The following ROS1 variants were observed in gnomAD, a reference collection of about 807,000 sequenced individuals.
The protein encoded by ROS1 is ROS proto-oncogene 1, receptor tyrosine kinase, also known as proto-oncogene tyrosine-protein kinase ROS.
A neutral mutation model predicts 273.5 loss-of-function variants in ROS1; 263 were observed. The observed-to-expected ratio is 0.96, with a 90% CI of 0.87 to 1.06. The LOEUF (loss-of-function observed/expected upper bound fraction) is 1.06, where lower values mean the gene tolerates loss of function less well. Ranked by LOEUF, ROS1 falls within the 50% of genes least tolerant of loss-of-function variation. The pLI, the probability that ROS1 is intolerant of heterozygous loss-of-function variation, is 0.00. For synonymous variants in ROS1, 1,008 were observed against 954.1 expected, an observed-to-expected ratio of 1.06 and a Z score of -1.04; for missense variants, 2,833 against 2,751.1, an observed-to-expected ratio of 1.03 and a Z score of -0.67.
rs535392762 is a variant in ROS1 at position 117,393,565 on chromosome 6, A to T, written c.1192-244T>A. On this transcript the variant is annotated intron_variant, in intron 11 of 43. Coordinates refer to ENST00000368507, the MANE Select transcript of ROS1 (RefSeq NM_001378902.1). ...TTTTCCTGGCTTGTAGAGGCATTCA[A>T]CTATTTTTAACATTTAAGCGATATC... 3.3e-5 allele frequency among the ~76,000 whole-genome samples: 5 copies of T among 152,332 alleles called. No individual in the cohort carries two copies. In the South Asian group the frequency reaches 6.2e-4, roughly 19 times the overall value.
At chr6:117,422,135 A>T (rs1302395424) in intron 1 of ROS1, among the ~76,000 whole-genome samples, 2 of 152,004 alleles carry the variant, frequency 1.3e-5, no homozygotes, top group Non-Finnish European at 2.9e-5. Flanking sequence ...TCAGCCTCCT[A>T]AGTAGCTGGG....
chr6:117,424,474 T>C (rs894237989), intron 1 of ROS1, among the ~76,000 whole-genome samples: 12 of 152,058 alleles, frequency 7.9e-5, no homozygotes, highest in African/African-American at 2.4e-4. Flanking sequence ...AGTTAAAATC[T>C]TTTTTAGAAC....
rs543532152 is a variant in ROS1, at chr6:117,403,728, C to T, written c.466-451G>A. 4.6e-5 allele frequency among the ~76,000 whole-genome samples: 7 copies of T among 152,086 alleles called. No individual in the cohort carries two copies. In the South Asian group the frequency reaches 1.5e-3, roughly 32 times the overall value. The stretch of plus-strand genomic sequence containing the variant: ...TAATGACTAATGAGGTGAATGGTTA[C>T]GTGATGCTGTACTGAAGGAATAGTA... On this transcript the variant is annotated intron_variant, in intron 6 of 43. Transcript: ENST00000368507.
intron 17 of ROS1, among the ~76,000 whole-genome samples, chr6:117,380,518 A>G (rs3798383): frequency 0.57 from 85,930 of 151,448 alleles, 24,977 homozygotes; most frequent in African/African-American, 0.69. Flanking sequence ...TTCAGTTAAA[A>G]AGAAATCAGG....
intron 32 of ROS1, among the ~76,000 whole-genome samples, chr6:117,334,938 C>T (rs570207942): frequency 2.0e-5 from 3 of 152,242 alleles, no homozygotes; most frequent in Non-Finnish European, 4.4e-5. Flanking sequence ...TGGGCAAAGA[C>T]TTCATGACTA....
At chr6:117,363,628 C>T (rs1779977763) in intron 21 of ROS1, among the ~76,000 whole-genome samples, 1 of 152,154 alleles carries the variant, frequency 6.6e-6, no homozygotes, top group African/African-American at 2.4e-5. Flanking sequence ...TTAGGCTTCT[C>T]TTCTCACATG....
intron 18 of ROS1, among the ~76,000 whole-genome samples, chr6:117,376,122 T>C: frequency 6.6e-6 from 1 of 151,908 alleles, no homozygotes; most frequent in East Asian, 1.9e-4. Flanking sequence ...TTTGAAAAGA[T>C]AAATAAATCT....
At chr6:117,385,068 C>G (rs1014676230) in intron 16 of ROS1, among the ~76,000 whole-genome samples, 3 of 152,146 alleles carry the variant, frequency 2.0e-5, no homozygotes, top group Admixed American at 1.3e-4. Context: ...TTTCCCTAGC[C>G]CTGTGCACAC....
At chr6:117,421,287 G>T (rs555739763) in intron 1 of ROS1, among the ~76,000 whole-genome samples, 1 of 149,944 alleles carries the variant, frequency 6.7e-6, no homozygotes, top group South Asian at 2.1e-4. Flanking sequence ...ACCTTTTGGG[G>T]TACAAGTGGT....
At chr6:117,409,755 A>C (rs1171612709) in intron 4 of ROS1, 113 bp from the exon 5 acceptor site, 1 of 765,154 alleles carries the variant, frequency 1.3e-6, no homozygotes, top group Non-Finnish European at 2.3e-6. Flanking sequence ...ATCTTTGACC[A>C]ATATACGAGT....
intron 27 of ROS1, among the ~76,000 whole-genome samples, chr6:117,349,653 C>A (rs1778652057): frequency 2.0e-5 from 3 of 152,080 alleles, no homozygotes; most frequent in Admixed American, 2.0e-4. Context: ...CTACTTTTGT[C>A]TTCCACTTTT....
intron 21 of ROS1, among the ~76,000 whole-genome samples, chr6:117,363,752 C>T (rs999302593): frequency 1.6e-4 from 25 of 152,116 alleles, no homozygotes; most frequent in African/African-American, 5.1e-4. Context: ...GTTTCATAGG[C>T]TTGTCTACTC....
chr6:117,306,367 A>T (rs919239292), intron 42 of ROS1, among the ~76,000 whole-genome samples: 3 of 152,118 alleles, frequency 2.0e-5, no homozygotes, highest in Admixed American at 2.0e-4. Context: ...CTCTCCAGTA[A>T]TTCCAGTTGC....
intron 32 of ROS1, among the ~76,000 whole-genome samples, chr6:117,334,162 T>A (rs1777296589): frequency 6.6e-6 from 1 of 152,062 alleles, no homozygotes; most frequent in Non-Finnish European, 1.5e-5. Flanking sequence ...AGATAAAAAA[T>A]CAATGTGCAA....
intron 7 of ROS1, 126 bp from the exon 8 acceptor site, chr6:117,397,242 A>T (rs1562363502): frequency 1.5e-6 from 1 of 656,082 alleles, no homozygotes; most frequent in East Asian, 2.7e-5. Flanking sequence ...TTTTATTAAT[A>T]CTCAAAATAT....
chr6:117,401,521 T>C (rs933520248), intron 7 of ROS1, among the ~76,000 whole-genome samples: 1 of 152,200 alleles, frequency 6.6e-6, no homozygotes, highest in Non-Finnish European at 1.5e-5. Flanking sequence ...CTGGCCGTTT[T>C]TGTTTTATCT....
chr6:117,296,315 C>T (rs887154661), intron 43 of ROS1, among the ~76,000 whole-genome samples: 1 of 151,814 alleles, frequency 6.6e-6, no homozygotes, highest in Non-Finnish European at 1.5e-5. Flanking sequence ...GCATAAGAAT[C>T]GCTTGAAACT....
chr6:117,309,043 A>G (rs1279107371), intron 41 of ROS1, 115 bp from the exon 42 acceptor site: 2 of 987,850 alleles, frequency 2.0e-6, no homozygotes, highest in Non-Finnish European at 2.9e-6. Context: ...TCAGTGTATT[A>G]TTGGCCTCAT....
At chr6:117,398,458 C>T (rs1050539627) in intron 7 of ROS1, among the ~76,000 whole-genome samples, 4 of 152,200 alleles carry the variant, frequency 2.6e-5, no homozygotes, top group Middle Eastern at 3.4e-3. Context: ...GTGGACCAAT[C>T]GCTTGAGGCC....
Sources: gnomAD v4.1 joint callset for allele counts (sites outside exome capture counted in the v4.1 genomes callset) on GRCh38, gnomAD v4.1.1 for gene constraint, MANE v1.5 for transcripts, NCBI Gene and HGNC (gene_info 2026-07-23, HGNC 2026-07-21) for gene names.